Variants in DLG2 observed in about 807,000 individuals in gnomAD.
DLG2 encodes the protein disks large homolog 2.
In DLG2, 45 loss-of-function variants were observed where a neutral mutation model predicts 132.5. The observed-to-expected ratio is 0.34, with a 90% CI of 0.27 to 0.44. The LOEUF (loss-of-function observed/expected upper bound fraction) is 0.44. Among genes scored for constraint, DLG2 ranks in the 20% least tolerant of loss-of-function variants. The pLI is 1.00. For missense variants in DLG2, 1,045 were observed against 1,196.9 expected (o/e 0.87, Z 1.87); for synonymous variants, 424 against 419.6 (o/e 1.01, Z -0.13).
chr11:85,015,333 C>T (rs2059483255), intron 6 of DLG2, among the ~76,000 whole-genome samples: 1 of 151,338 alleles, frequency 6.6e-6, no homozygotes, highest in Admixed American at 6.6e-5. Context: ...ATGTTCTAGT[C>T]CAACATTTTA....
chr11:83,767,428 T>C (rs911659020), intron 18 of DLG2, among the ~76,000 whole-genome samples: 1 of 152,200 alleles, frequency 6.6e-6, no homozygotes, highest in Non-Finnish European at 1.5e-5. Flanking sequence ...AGGAAGACCA[T>C]GGCAAATAAA....
At chr11:83,593,387 C>T (rs1217229851) in intron 19 of DLG2, among the ~76,000 whole-genome samples, 4 of 151,284 alleles carry the variant, frequency 2.6e-5, no homozygotes, top group Non-Finnish European at 2.9e-5. Flanking sequence ...AGTAAACTAT[C>T]GCAAGAACAA....
intron 6 of DLG2, among the ~76,000 whole-genome samples, chr11:85,091,589 G>A (rs1377207549): frequency 6.6e-6 from 1 of 152,148 alleles, no homozygotes; most frequent in Non-Finnish European, 1.5e-5. Flanking sequence ...CTTGAATTCT[G>A]CCATTATTCT....
intron 14 of DLG2, among the ~76,000 whole-genome samples, chr11:83,953,220 A>G (rs1399238131): frequency 6.6e-6 from 1 of 152,220 alleles, no homozygotes; most frequent in Non-Finnish European, 1.5e-5. Context: ...ATATTAATAT[A>G]GTAAACTCAC....
At chr11:85,429,319 C>T (rs896545265) in intron 3 of DLG2, among the ~76,000 whole-genome samples, 10 of 152,002 alleles carry the variant, frequency 6.6e-5, no homozygotes, top group Non-Finnish European at 1.2e-4. Flanking sequence ...AGAGACACAA[C>T]AAAAAAAGAA....
In DLG2 at chr11:83,710,787, G is replaced by A. The variant is rs372030625; in HGVS notation, c.1825+75903C>T. ...AAATCCTATGTATTTTTCTAGTAGC[G>A]AGAAGAAGCTGAGGGCAGGTGGAAT... is the stretch of plus-strand genomic sequence containing the variant. On this transcript the variant is annotated intron_variant, in intron 18 of 27. Transcript: ENST00000376104. Among the ~76,000 whole-genome samples the A allele has an allele frequency of 5.7e-4, 86 of 152,170 alleles. No individual in the cohort carries two copies. In the South Asian group the frequency reaches 0.014, roughly 25 times the overall value.
At chr11:84,380,871 A>G (rs2098746839) in intron 7 of DLG2, among the ~76,000 whole-genome samples, 2 of 151,996 alleles carry the variant, frequency 1.3e-5, no homozygotes, top group Non-Finnish European at 1.5e-5. Context: ...TAATTCCAAG[A>G]GCTACATTTC....
At chr11:83,608,574 T>C (rs1353269852) in intron 19 of DLG2, among the ~76,000 whole-genome samples, 1 of 152,140 alleles carries the variant, frequency 6.6e-6, no homozygotes, top group Non-Finnish European at 1.5e-5. Context: ...AACAGAATGG[T>C]TTTATGAGTA....
At chr11:84,945,728 G>A (rs2050111598) in intron 6 of DLG2, among the ~76,000 whole-genome samples, 1 of 152,160 alleles carries the variant, frequency 6.6e-6, no homozygotes, top group African/African-American at 2.4e-5. Flanking sequence ...GGTTGAGAAA[G>A]AGGAAACACA....
At chr11:84,951,914 T>C (rs2050976725) in intron 6 of DLG2, among the ~76,000 whole-genome samples, 1 of 152,154 alleles carries the variant, frequency 6.6e-6, no homozygotes, top group Non-Finnish European at 1.5e-5. Flanking sequence ...TAAGAGTTAA[T>C]ACTATTGCTC....
chr11:84,670,090 G>A (rs146261964), intron 6 of DLG2, among the ~76,000 whole-genome samples: 33 of 152,232 alleles, frequency 2.2e-4, no homozygotes, highest in Admixed American at 1.1e-3. Context: ...GGTCCTGCAC[G>A]CCATCCAAAG....
chr11:84,112,890 T>C (rs568200367), intron 9 of DLG2, among the ~76,000 whole-genome samples: 1 of 152,332 alleles, frequency 6.6e-6, no homozygotes, highest in Admixed American at 6.5e-5. Flanking sequence ...CCCTGAACAA[T>C]TCTCTTAAGT....
intron 7 of DLG2, among the ~76,000 whole-genome samples, chr11:84,458,625 A>C (rs1316209789): frequency 1.3e-5 from 2 of 150,662 alleles, no homozygotes; most frequent in Non-Finnish European, 3.0e-5. Context: ...AAATATAATA[A>C]CTTTTTTTAT....
intron 9 of DLG2, among the ~76,000 whole-genome samples, chr11:84,153,131 G>C (rs1230565661): frequency 6.6e-6 from 1 of 152,150 alleles, no homozygotes; most frequent in African/African-American, 2.4e-5. Flanking sequence ...TTCTTGGTTG[G>C]AATGTCTTTT....
chr11:84,554,679 G>A (rs2154524863), intron 6 of DLG2, among the ~76,000 whole-genome samples: 1 of 152,246 alleles, frequency 6.6e-6, no homozygotes, highest in East Asian at 1.9e-4. Flanking sequence ...ACAGGATGGG[G>A]AGGTTGCGGT....
intron 19 of DLG2, among the ~76,000 whole-genome samples, chr11:83,557,565 G>A (rs1279128629): frequency 6.6e-6 from 1 of 152,228 alleles, no homozygotes; most frequent in African/African-American, 2.4e-5. Context: ...CTTGGCCAGT[G>A]TGCTTCCTGT....
chr11:85,229,295 A>AG (rs1293368223), intron 4 of DLG2, among the ~76,000 whole-genome samples: 1 of 152,116 alleles, frequency 6.6e-6, no homozygotes, highest in Non-Finnish European at 1.5e-5. Flanking sequence ...CAAATTTACA[A>AG]GAAAAAAAAC....
intron 6 of DLG2, among the ~76,000 whole-genome samples, chr11:84,818,501 CTTACA>C (rs1295478173): frequency 6.6e-6 from 1 of 151,428 alleles, no homozygotes; most frequent in Admixed American, 6.6e-5. Context: ...ATAAATATTT[CTTACA>C]TTAAATATAT....
At chr11:84,382,215 T>C (rs116097169) in intron 7 of DLG2, among the ~76,000 whole-genome samples, 1 of 152,244 alleles carries the variant, frequency 6.6e-6, no homozygotes, top group African/African-American at 2.4e-5. Flanking sequence ...TCTACAGTGG[T>C]GCCAGTTCTT....
Sources: allele counts gnomAD v4.1 joint callset (sites outside exome capture counted in the v4.1 genomes callset), GRCh38; gene constraint gnomAD v4.1.1; transcripts MANE v1.5; gene names NCBI Gene and HGNC (gene_info 2026-07-23, HGNC 2026-07-21).